FSTL5: variants seen among roughly 807,000 people sequenced by gnomAD.
FSTL5 encodes follistatin-related protein 5.
In FSTL5, 62 loss-of-function variants were observed where a neutral mutation model predicts 89.1. That is an observed-to-expected ratio of 0.70 (90% confidence interval 0.57 to 0.86). FSTL5 has a LOEUF of 0.86. Ranked by LOEUF, FSTL5 falls within the 40% of genes least tolerant of loss-of-function variation. The pLI is 0.00. For missense variants in FSTL5, 1,057 were observed against 1,001.6 expected (o/e 1.06, Z -0.75); for synonymous variants, 383 against 346.2 (o/e 1.11, Z -1.18).
chr4:161,967,551 T>C (rs912722680), intron 3 of FSTL5, among the ~76,000 whole-genome samples: 7 of 151,950 alleles, frequency 4.6e-5, no homozygotes, highest in Admixed American at 6.6e-5. Context: ...TATTCAATAA[T>C]ATGAAATAAC....
chr4:161,924,360 T>C (rs1734068804), intron 3 of FSTL5, among the ~76,000 whole-genome samples: 1 of 150,758 alleles, frequency 6.6e-6, no homozygotes, highest in East Asian at 1.9e-4. Flanking sequence ...TATCTTAAAA[T>C]ATATATTTAT....
chr4:161,462,918 CA>C (rs34975751), intron 13 of FSTL5, among the ~76,000 whole-genome samples: 7 of 149,806 alleles, frequency 4.7e-5, no homozygotes, highest in African/African-American at 1.5e-4. Context: ...ATGTGTGTCA[CA>C]AAAAAAATAA....
chr4:161,429,480 T>C (rs901770188), intron 15 of FSTL5, among the ~76,000 whole-genome samples: 5 of 152,190 alleles, frequency 3.3e-5, no homozygotes, highest in African/African-American at 1.2e-4. Context: ...GGGGTGTTTG[T>C]ATCACCCCTC....
At chr4:161,461,299 AACAAAC>A (rs1309682075) in intron 13 of FSTL5, among the ~76,000 whole-genome samples, 23 of 143,926 alleles carry the variant, frequency 1.6e-4, no homozygotes, top group African/African-American at 4.9e-4. Context: ...AAAAAAAACA[AACAAAC>A]AAAAAAATTA....
At chr4:161,666,273 A>G (rs1736890200) in intron 6 of FSTL5, among the ~76,000 whole-genome samples, 1 of 152,202 alleles carries the variant, frequency 6.6e-6, no homozygotes. Flanking sequence ...TTTATGAATT[A>G]GTCTATATGG....
chr4:161,586,321 C>T (rs778312316), intron 8 of FSTL5, among the ~76,000 whole-genome samples: 2 of 152,046 alleles, frequency 1.3e-5, no homozygotes, highest in Non-Finnish European at 2.9e-5. Flanking sequence ...ACATTTTCAT[C>T]GATAATATAA....
intron 2 of FSTL5, among the ~76,000 whole-genome samples, chr4:162,104,125 G>A (rs544742117): frequency 6.6e-6 from 1 of 152,166 alleles, no homozygotes; most frequent in Non-Finnish European, 1.5e-5. Context: ...CATCCCTCCG[G>A]ATCCAGCAAG....
chr4:161,742,856 C>CA (rs1740074526), intron 6 of FSTL5, among the ~76,000 whole-genome samples: 1 of 151,486 alleles, frequency 6.6e-6, no homozygotes, highest in Non-Finnish European at 1.5e-5. Flanking sequence ...GGCAGATGAC[C>CA]AAAAAGTACA....
chr4:161,474,644 C>G (rs187502584), intron 13 of FSTL5, among the ~76,000 whole-genome samples: 3 of 150,586 alleles, frequency 2.0e-5, no homozygotes, highest in African/African-American at 7.3e-5. Context: ...CTCCCAGGTT[C>G]AAGTGATTCT....
chr4:161,468,409 A>G (rs942129774), intron 13 of FSTL5, among the ~76,000 whole-genome samples: 2 of 152,106 alleles, frequency 1.3e-5, no homozygotes, highest in Non-Finnish European at 2.9e-5. Context: ...ATAGTAGGAT[A>G]TCTGAGAATA....
At position 161,601,153 on chromosome 4, in the gene FSTL5, A is replaced by G. The variant is rs1344929415; in HGVS notation, c.895-13578T>C. 2.6e-5 allele frequency among the ~76,000 whole-genome samples: 4 copies of G among 152,130 alleles called. No homozygotes were observed. The South Asian group carries it at 8.3e-4, about 31-fold the overall frequency. On this transcript the variant is annotated intron_variant, in intron 7 of 15. Coordinates refer to ENST00000306100, the MANE Select transcript of FSTL5 (RefSeq NM_020116.5). ...AGAGTCACTTTTGCAGCATCTTCTT[A>G]ATGGACTTCACAATTTGCTCTTCAG... is the stretch of plus-strand genomic sequence containing the variant.
chr4:161,735,432 T>C (rs1739775828), intron 6 of FSTL5, among the ~76,000 whole-genome samples: 1 of 152,102 alleles, frequency 6.6e-6, no homozygotes, highest in Non-Finnish European at 1.5e-5. Context: ...AGCCCCTCTT[T>C]CTCCTCCCCA....
chr4:161,989,369 T>G (rs1317676531), intron 3 of FSTL5, among the ~76,000 whole-genome samples: 1 of 152,146 alleles, frequency 6.6e-6, no homozygotes, highest in Admixed American at 6.6e-5. Flanking sequence ...CCAATTTAGA[T>G]TTAATTATTT....
rs144094717 is a variant in FSTL5 at position 161,511,263 on chromosome 4, A to T, written c.1313-839T>A. Reference sequence around the variant, plus strand: ...TAAAACTTAATGACTTTTTTTTCCAACTGAACCCACATGTGTATGTTTTAG... The same window carrying T: ...TAAAACTTAATGACTTTTTTTTCCATCTGAACCCACATGTGTATGTTTTAG... On this transcript the variant is annotated intron_variant, in intron 10 of 15. Coordinates refer to ENST00000306100, the MANE Select transcript of FSTL5 (RefSeq NM_020116.5). Among the ~76,000 whole-genome samples the T allele has an allele frequency of 3.3e-5, 5 of 152,162 alleles. No homozygotes were observed. The East Asian group carries it at 9.7e-4, about 29-fold the overall frequency.
intron 13 of FSTL5, among the ~76,000 whole-genome samples, chr4:161,477,015 T>G (rs2126446472): frequency 6.6e-6 from 1 of 152,316 alleles, no homozygotes; most frequent in East Asian, 1.9e-4. Context: ...CACATCAAAT[T>G]TACAGCTAAT....
At chr4:162,120,468 T>G (rs1281929261) in intron 1 of FSTL5, among the ~76,000 whole-genome samples, 1 of 152,028 alleles carries the variant, frequency 6.6e-6, no homozygotes, top group African/African-American at 2.4e-5. Flanking sequence ...TAATACATCA[T>G]AGAACACAAG....
chr4:161,912,748 G>T (rs1733731693), intron 4 of FSTL5, among the ~76,000 whole-genome samples: 1 of 152,146 alleles, frequency 6.6e-6, no homozygotes, highest in South Asian at 2.1e-4. Context: ...GGCAGAGGTT[G>T]GAACAGTTTG....
At chr4:161,783,887 T>G (rs976552582) in intron 4 of FSTL5, among the ~76,000 whole-genome samples, 3 of 150,056 alleles carry the variant, frequency 2.0e-5, no homozygotes, top group Non-Finnish European at 4.4e-5. Context: ...TGCCTCAGCC[T>G]CCTGAGTAGC....
intron 2 of FSTL5, among the ~76,000 whole-genome samples, chr4:162,091,256 A>C (rs992208373): frequency 4.6e-5 from 7 of 152,228 alleles, no homozygotes; most frequent in African/African-American, 1.7e-4. Flanking sequence ...TGCTTGATAG[A>C]TTATCCATTT....
Sources: gnomAD v4.1 joint callset for allele counts (sites outside exome capture counted in the v4.1 genomes callset) on GRCh38, gnomAD v4.1.1 for gene constraint, MANE v1.5 for transcripts, NCBI Gene and HGNC (gene_info 2026-07-23, HGNC 2026-07-21) for gene names.